Variants in TRIOBP observed in about 807,000 individuals in gnomAD.
TRIOBP encodes TRIO and F-actin binding protein.
A neutral mutation model predicts 238.8 loss-of-function variants in TRIOBP; 169 were observed. That is an observed-to-expected ratio of 0.71 (90% CI 0.62 to 0.80). TRIOBP has a LOEUF of 0.80. Ranked by LOEUF, TRIOBP falls within the 30% of genes least tolerant of loss-of-function variation. The pLI, the probability that TRIOBP is intolerant of heterozygous loss-of-function variation, is 0.00. For synonymous variants in TRIOBP, 1,150 were observed against 1,274.4 expected (o/e 0.90, Z 2.08); for missense variants, 2,838 against 3,122.6 (o/e 0.91, Z 2.17).
chr22:37,742,246 C>T (rs1924968465), intron 11 of TRIOBP, among the ~76,000 whole-genome samples: 1 of 148,134 alleles, frequency 6.8e-6, no homozygotes, highest in South Asian at 2.2e-4. Context: ...GTGTGAGCCA[C>T]CACGCCAGGC....
Position 37,768,131 on chromosome 22 carries a change from C to G in TRIOBP, c.6530C>G (p.Thr2177Arg). ...QEELSRELSK[T>R]RSLQQGPDGL... The stretch of plus-strand genomic sequence containing the variant: ...GAGCTGAGCCGAGAGCTGAGCAAAA[C>G]ACGGAGTCTCCAGCAGGGCCCGGAT... The change falls in exon 19 of 24, where the codon ACA (threonine) becomes AGA (arginine). Residue 2177 changes from threonine to arginine, a missense_variant. By Grantham distance (71) the Thr-to-Arg change is moderately conservative. Around this residue, in one of 5 missense-constraint regions of TRIOBP, gnomAD observed 2,096 missense variants for 2,137.4 expected, o/e 0.98. Transcript: ENST00000644935. The G allele has an allele frequency of 1.2e-6, 2 of 1,613,738 alleles. No homozygotes were observed. Among genetic ancestry groups the G allele is most frequent in the South Asian group, 2.2e-5 (2 of 90,952 alleles).
At chr22:37,718,650 T>G (rs1167519610) in intron 6 of TRIOBP, among the ~76,000 whole-genome samples, 1 of 151,926 alleles carries the variant, frequency 6.6e-6, no homozygotes, top group Non-Finnish European at 1.5e-5. Flanking sequence ...CAGTGAAACA[T>G]CAGACAAACC....
Position 37,724,425 on chromosome 22 carries a change from C to A in TRIOBP, c.1869C>A (p.Asn623Lys), listed in dbSNP as rs759484344. The stretch of plus-strand genomic sequence containing the variant: ...CTCCCAATAGAGCCACACGAGATAA[C>A]CCCAGAACATCCTGTGCCCAGCGGG... Reference protein sequence around the residue: ...TSSPNRATRDNPRTSCAQRDN... With the variant: ...TSSPNRATRDKPRTSCAQRDN... Residue 623 changes from asparagine to lysine, a missense_variant, in exon 7 of 24, where the codon AAC becomes AAA. By Grantham distance (94) the Asn-to-Lys change is moderately conservative. This residue lies in a region of TRIOBP where 167 missense variants were observed against 200.2 expected (regional missense o/e 0.83). Transcript: ENST00000644935. 1 of 1,514,546 alleles carries A rather than the reference C, an allele frequency of 6.6e-7. No homozygotes were observed. Among genetic ancestry groups the A allele is most frequent in the Non-Finnish European group, 8.9e-7 (1 of 1,121,964 alleles). 93.8% of individuals were successfully genotyped at this position (1,514,546 alleles called of 1,614,324 possible). A position where few individuals can be genotyped will look rare whatever the true frequency, so the allele number is the denominator to read the frequency against.
chr22:37,738,826 T>C lies in TRIOBP; in HGVS notation c.5184+107T>C, dbSNP rs564561247. The C allele has an allele frequency of 1.2e-4, 147 of 1,217,842 alleles. 2 individuals carry two copies. The Middle Eastern group carries it at 3.0e-3, about 25-fold the overall frequency. 75.4% of individuals were successfully genotyped at this position (1,217,842 alleles called of 1,614,324 possible). On this transcript the variant is annotated intron_variant, in intron 10 of 23. Transcript: ENST00000644935. Reference sequence around the variant, plus strand: ...AGCCCTAGAATCAACCAGACCAAAGTTGGCATTGCCATGGGGTCATCTATG... The same window carrying C: ...AGCCCTAGAATCAACCAGACCAAAGCTGGCATTGCCATGGGGTCATCTATG...
At chr22:37,734,228 G>T (rs1290050694) in intron 8 of TRIOBP, among the ~76,000 whole-genome samples, 171 bp from the exon 9 acceptor site, 3 of 152,188 alleles carry the variant, frequency 2.0e-5, no homozygotes, top group East Asian at 3.9e-4. Context: ...GGGTGAAAGG[G>T]AGGAGCTGAC....
Position 37,763,487 on chromosome 22 carries a change from C to T in TRIOBP, c.6325-2183C>T, listed in dbSNP as rs575008419. ...TCCATCAAATCGTCCCCAGGTGTGGCTGCTGGAGAGGCGGGGAGGTGGCCT... is the reference window on the plus strand; with the variant it reads ...TCCATCAAATCGTCCCCAGGTGTGGTTGCTGGAGAGGCGGGGAGGTGGCCT... On this transcript the variant is annotated intron_variant, in intron 17 of 23. Transcript: ENST00000644935. 6.2e-4 allele frequency among the ~76,000 whole-genome samples: 94 copies of T among 152,280 alleles called. 1 individual carries two copies. The highest frequency in any genetic ancestry group is 2.1e-3 in the African/African-American group (89 of 41,554).
In TRIOBP at chr22:37,715,953, T is replaced by C. The variant is rs777808639; in HGVS notation, c.628+19T>C. Reference sequence around the variant, plus strand: ...AAGGAGGGTGAGTCCTTCTGCCAGGTTGGTTCCCATGGTGATGGCCTGGGG... The same window carrying C: ...AAGGAGGGTGAGTCCTTCTGCCAGGCTGGTTCCCATGGTGATGGCCTGGGG... On this transcript the variant is annotated intron_variant, in intron 6 of 23. Transcript: ENST00000644935. 3 of 1,611,800 alleles carry C rather than the reference T, an allele frequency of 1.9e-6. No homozygotes were observed. The South Asian group carries it at 3.3e-5, about 18-fold the overall frequency.
chr22:37,740,822 G>C (rs1056926119), intron 10 of TRIOBP, 73 bp from the exon 11 acceptor site: 7 of 1,548,052 alleles, frequency 4.5e-6, no homozygotes, highest in Non-Finnish European at 6.1e-6. Context: ...AGAATGGGCA[G>C]GGGAGGCTGT....
rs548089299 is a variant in TRIOBP at position 37,726,499 on chromosome 22, C to T, written c.3943C>T (p.Arg1315Cys). 54 of 1,503,186 alleles carry T rather than the reference C, an allele frequency of 3.6e-5. No individual in the cohort carries two copies. Among genetic ancestry groups the T allele is most frequent in the African/African-American group, 2.1e-4 (15 of 72,632 alleles). 93.1% of individuals were successfully genotyped at this position (1,503,186 alleles called of 1,614,324 possible). Residue 1315 changes from arginine to cysteine, a missense_variant, in exon 7 of 24, where the codon CGC (arginine) becomes TGC (cysteine). Around this residue, in one of 5 missense-constraint regions of TRIOBP, gnomAD observed 2,096 missense variants for 2,137.4 expected, o/e 0.98. Transcript: ENST00000644935. ...GGTGGAGCGCCTCTTCGGGCAAGAG[C>T]GCAGGTGAGCCCGGGGGTGGGGTCA... ...AEVERLFGQE[R>C]RKSEAAGAFQ... is the part of the protein sequence containing the mutation.
intron 12 of TRIOBP, among the ~76,000 whole-genome samples, chr22:37,753,950 C>T (rs16998478): frequency 0.021 from 3,195 of 152,276 alleles, 122 homozygotes; most frequent in African/African-American, 0.074. Flanking sequence ...GGCATACTAT[C>T]AGGCTGTTCT....
intron 11 of TRIOBP, among the ~76,000 whole-genome samples, chr22:37,745,937 A>T (rs1216409646): frequency 6.6e-6 from 1 of 151,582 alleles, no homozygotes; most frequent in African/African-American, 2.4e-5. Flanking sequence ...CCATTGCCGG[A>T]GTCACCTGCA....
In TRIOBP at chr22:37,710,446, GTGCTGAGGTGCCCTAC is replaced by G. The variant is rs1569034200; in HGVS notation, c.138_153del (p.Glu47ThrfsTer67). On this transcript the variant is annotated frameshift_variant, in exon 4 of 24. Coordinates refer to ENST00000644935, the MANE Select transcript of TRIOBP (RefSeq NM_001039141.3). LOFTEE classifies it high-confidence loss of function. ...GCCCAGGAGCTCAGGAGCCCTTCAG[GTGCTGAGGTGCCCTAC>G]TGCGACCTGCCTCGATGTCCACCTG... 3 of 1,613,508 alleles carry G rather than the reference GTGCTGAGGTGCCCTAC, an allele frequency of 1.9e-6. No individual in the cohort carries two copies. The highest frequency in any genetic ancestry group is 3.3e-4 in the Middle Eastern group (2 of 6,056).
chr22:37,760,280 T>A (rs898651472), intron 17 of TRIOBP: 3 of 152,266 alleles, frequency 2.0e-5, no homozygotes, highest in Non-Finnish European at 4.4e-5. Flanking sequence ...TTATTAGCAT[T>A]TTCTTATCAC....
At chr22:37,704,025 A>AT (rs1270811804) in intron 3 of TRIOBP, among the ~76,000 whole-genome samples, 1 of 152,164 alleles carries the variant, frequency 6.6e-6, no homozygotes, top group Non-Finnish European at 1.5e-5. Context: ...CAGCTCACAA[A>AT]TTCATACGTA....
At position 37,735,196 on chromosome 22, in the gene TRIOBP, T is replaced by C. The variant is rs767712690; in HGVS notation, c.4860T>C (p.Asp1620=). 8.1e-6 allele frequency: 13 copies of C among 1,609,416 alleles called. No individual in the cohort carries two copies. The South Asian group carries it at 1.3e-4, about 16-fold the overall frequency. ...GPELGPPGTN[D]VPEQESHSQP... is the part of the protein sequence containing the mutation. ...AGCTGGGTCCCCCAGGCACAAACGA[T>C]GTCCCTGAGCAGGAGTCACACAGCC... Residue 1620 remains aspartate, a synonymous_variant, in exon 9 of 24, where the codon GAT becomes GAC. Transcript: ENST00000644935.
At chr22:37,730,727 A>T (rs746870264) in intron 7 of TRIOBP, among the ~76,000 whole-genome samples, 8 of 152,066 alleles carry the variant, frequency 5.3e-5, no homozygotes, top group African/African-American at 9.7e-5. Flanking sequence ...GGATTACCTG[A>T]GGTCAGGAGT....
intron 11 of TRIOBP, among the ~76,000 whole-genome samples, chr22:37,747,661 G>C (rs1304599752): frequency 6.6e-6 from 1 of 152,238 alleles, no homozygotes; most frequent in Non-Finnish European, 1.5e-5. Context: ...CTGGGGCCAG[G>C]AGGAGAGAAG....
At position 37,773,143 on chromosome 22, in the gene TRIOBP, C is replaced by G. The variant is rs543060263; in HGVS notation, c.*2+379C>G. 2.6e-5 allele frequency among the ~76,000 whole-genome samples: 4 copies of G among 152,256 alleles called. No individual in the cohort carries two copies. The East Asian group carries it at 5.8e-4, about 22-fold the overall frequency. ...AGGCCGGGCTTCTATCCCAGTTAGT[C>G]TTAACACTCCTTCTTGACTTAGCAG... On this transcript the variant is annotated intron_variant, in intron 23 of 23. Transcript: ENST00000644935.
chr22:37,743,840 T>C (rs530388808), intron 11 of TRIOBP, among the ~76,000 whole-genome samples: 1 of 121,432 alleles, frequency 8.2e-6, no homozygotes, highest in East Asian at 2.4e-4. Context: ...TGTGTGTGTG[T>C]GTGTGCTGGG....
Sources: allele counts gnomAD v4.1 joint callset (sites outside exome capture counted in the v4.1 genomes callset), GRCh38; gene constraint gnomAD v4.1.1; regional missense constraint gnomAD v4.1.1; transcripts MANE v1.5; gene names NCBI Gene and HGNC (gene_info 2026-07-23, HGNC 2026-07-21).